The following SMIM36 variants were observed in gnomAD, a reference collection of about 807,000 sequenced individuals.
The protein encoded by SMIM36 is small integral membrane protein 36.
At chr17:55,501,983 G>T (rs1438330852) in intron 1 of SMIM36, among the ~76,000 whole-genome samples, 320 of 148,180 alleles carry the variant, frequency 2.2e-3, no homozygotes, top group African/African-American at 7.7e-3. Flanking sequence ...GGAAAATCGG[G>T]TCACTCCCAC....
At chr17:55,493,733 C>T (rs1030785567) in intron 1 of SMIM36, among the ~76,000 whole-genome samples, 3 of 148,112 alleles carry the variant, frequency 2.0e-5, no homozygotes, top group African/African-American at 7.5e-5. Context: ...TCCCTTGAGC[C>T]TGGGAAGTCA....
chr17:55,522,769 C>T, the SMIM36 span, among the ~76,000 whole-genome samples: 1,071 of 152,290 alleles, frequency 7.0e-3, 7 homozygotes, highest in Non-Finnish European at 0.011. Flanking sequence ...CACTTGTCCC[C>T]ATCTGACATG....
chr17:55,501,387 TA>T lies in SMIM36; in HGVS notation c.*174+9491del, dbSNP rs1401857433. Among the ~76,000 whole-genome samples the T allele has an allele frequency of 5.2e-4, 40 of 76,834 alleles. 4 individuals are homozygous for T. The highest frequency in any genetic ancestry group is 2.5e-3 in the African/African-American group (39 of 15,358). 50.4% of individuals were successfully genotyped at this position (76,834 alleles called of 152,430 possible). A position where few individuals can be genotyped will look rare whatever the true frequency, so the allele number is the denominator to read the frequency against. On this transcript the variant is annotated intron_variant, in intron 1 of 4. Transcript: ENST00000636752. Reference sequence around the variant, plus strand: ...ATAATATATTATATATTATAGAATATAATATATTATATATTATTATATATTA... The same window carrying T: ...ATAATATATTATATATTATAGAATATATATATTATATATTATTATATATTA...
chr17:55,514,619 CTT>C (rs1910236804), upstream of SMIM36, among the ~76,000 whole-genome samples: 1 of 152,140 alleles, frequency 6.6e-6, no homozygotes, highest in African/African-American at 2.4e-5. Context: ...ACATGCATAA[CTT>C]ATTCTATGGA....
chr17:55,482,073 C>T (rs1909529890), intron 1 of SMIM36, among the ~76,000 whole-genome samples: 1 of 152,144 alleles, frequency 6.6e-6, no homozygotes, highest in South Asian at 2.1e-4. Context: ...GCTGACCAAC[C>T]AGGTGTGACC....
At chr17:55,476,085 G>T (rs1212225201) in intron 3 of SMIM36, among the ~76,000 whole-genome samples, 1 of 151,992 alleles carries the variant, frequency 6.6e-6, no homozygotes, top group Non-Finnish European at 1.5e-5. Context: ...GGAATGTCAG[G>T]CCTCTGAGCC....
At chr17:55,472,853 C>T (rs1283790115) in intron 3 of SMIM36, among the ~76,000 whole-genome samples, 1 of 135,518 alleles carries the variant, frequency 7.4e-6, no homozygotes, top group African/African-American at 2.8e-5. Context: ...GGAGACAGAG[C>T]GAGACTCTGT....
At chr17:55,490,476 A>G (rs1167683201) in intron 1 of SMIM36, among the ~76,000 whole-genome samples, 1 of 152,200 alleles carries the variant, frequency 6.6e-6, no homozygotes, top group Admixed American at 6.5e-5. Context: ...TCTAAAGAAT[A>G]ATTTTAACTC....
At position 55,508,511 on chromosome 17, in the gene SMIM36, C is replaced by G. The variant is rs187248943; in HGVS notation, c.*174+2368G>C. Among the ~76,000 whole-genome samples, 236 of 141,504 alleles carry G rather than the reference C, an allele frequency of 1.7e-3. 3 individuals are homozygous for G. Among genetic ancestry groups the G allele is most frequent in the East Asian group, 4.2e-4 (2 of 4,746 alleles). The allele number at this position is 141,504 out of a possible 152,430, so 92.8% of individuals were successfully genotyped here. On this transcript the variant is annotated intron_variant, in intron 1 of 4. Transcript: ENST00000636752. ...TAATGTGAGCTTCATCTGAACTAAC[C>G]TTCTTATTTCTTTCCCTTTCATGGG...
intron 1 of SMIM36, among the ~76,000 whole-genome samples, chr17:55,495,427 T>G (rs571396867): frequency 1.3e-5 from 2 of 152,224 alleles, no homozygotes; most frequent in Non-Finnish European, 2.9e-5. Flanking sequence ...CACTTTGTGA[T>G]CTAATCTGTT....
At position 55,461,622 on chromosome 17, in the gene SMIM36, A is replaced by C. The variant is rs537609410; in HGVS notation, c.*531+5523T>G. Among the ~76,000 whole-genome samples, 6 of 152,316 alleles carry C rather than the reference A, an allele frequency of 3.9e-5. No individual in the cohort carries two copies. In the East Asian group the frequency reaches 1.2e-3, roughly 29 times the overall value. Reference sequence around the variant, plus strand: ...GTCTCAAAAAAACAAAAACAAATACAAAAACAAAGAAAAAACATAAGTAAA... The same window carrying C: ...GTCTCAAAAAAACAAAAACAAATACCAAAACAAAGAAAAAACATAAGTAAA... On this transcript the variant is annotated intron_variant, in intron 4 of 4. Transcript: ENST00000636752.
intron 1 of SMIM36, among the ~76,000 whole-genome samples, chr17:55,502,203 G>C (rs1334125006): frequency 4.0e-5 from 6 of 149,982 alleles, no homozygotes; most frequent in South Asian, 2.1e-4. Context: ...CAGGAAGCTC[G>C]AACTGGGTGG....
chr17:55,530,945 A>G, the SMIM36 span, among the ~76,000 whole-genome samples: 1 of 152,192 alleles, frequency 6.6e-6, no homozygotes, highest in African/African-American at 2.4e-5. Flanking sequence ...GCACAGGGAA[A>G]TAAATAAAAT....
exon 1 of SMIM36, chr17:55,511,319 C>T (rs1033443529): frequency 2.5e-6 from 1 of 398,610 alleles, no homozygotes; most frequent in Admixed American, 4.4e-5. Flanking sequence ...GGGTCGATCT[C>T]CAAGTAGAAT....
chr17:55,495,371 C>T (rs573383015), intron 1 of SMIM36, among the ~76,000 whole-genome samples: 11 of 152,318 alleles, frequency 7.2e-5, no homozygotes, highest in African/African-American at 2.6e-4. Context: ...CACCAGCATG[C>T]TACAAACCCA....
At chr17:55,499,533 G>A (rs547948020) in intron 1 of SMIM36, among the ~76,000 whole-genome samples, 2 of 152,130 alleles carry the variant, frequency 1.3e-5, no homozygotes, top group Admixed American at 1.3e-4. Flanking sequence ...TGAATAAAAA[G>A]TATCTGGCAC....
chr17:55,508,713 G>A (rs539825720), intron 1 of SMIM36, among the ~76,000 whole-genome samples: 3 of 151,384 alleles, frequency 2.0e-5, no homozygotes, highest in South Asian at 4.2e-4. Flanking sequence ...ACCTGAGGTC[G>A]GGAGTTCGAG....
intron 1 of SMIM36, among the ~76,000 whole-genome samples, chr17:55,495,491 T>G (rs1311070363): frequency 1.3e-5 from 2 of 152,170 alleles, no homozygotes; most frequent in Non-Finnish European, 2.9e-5. Context: ...CAGTGCTTAT[T>G]TATAAAACCA....
intron 3 of SMIM36, among the ~76,000 whole-genome samples, chr17:55,469,326 G>T (rs1045536767): frequency 6.6e-6 from 1 of 152,126 alleles, no homozygotes; most frequent in African/African-American, 2.4e-5. Flanking sequence ...GGTTAATGCT[G>T]CTTTTTCTTT....
Sources: allele counts gnomAD v4.1 joint callset (sites outside exome capture counted in the v4.1 genomes callset), GRCh38; gene constraint gnomAD v4.1.1; transcripts MANE v1.5; gene names NCBI Gene and HGNC (gene_info 2026-07-23, HGNC 2026-07-21).